NUP188: variants seen among roughly 807,000 people sequenced by gnomAD.
NUP188 encodes the protein nucleoporin NUP188.
A neutral mutation model predicts 223.0 loss-of-function variants in NUP188; 97 were observed. That is an observed-to-expected ratio of 0.43 (90% CI 0.37 to 0.51). The LOEUF is 0.51. Ranked by LOEUF, NUP188 falls within the 20% of genes least tolerant of loss-of-function variation. The pLI, the probability that NUP188 is intolerant of heterozygous loss-of-function variation, is 0.00. For synonymous variants in NUP188, 869 were observed against 828.0 expected (o/e 1.05, Z -0.85); for missense variants, 1,947 against 2,175.6 (o/e 0.89, Z 2.09).
At chr9:128,983,673 T>G in intron 19 of NUP188, 123 bp downstream of exon 19, 38 of 687,390 alleles carry the variant, frequency 5.5e-5, no homozygotes, top group Non-Finnish European at 8.3e-5. Flanking sequence ...TGAGATGGAG[T>G]CTCACTCTGT....
intron 33 of NUP188, 57 bp downstream of exon 33, chr9:128,999,374 C>G: frequency 6.3e-7 from 1 of 1,590,164 alleles, no homozygotes; most frequent in Non-Finnish European, 8.6e-7. Context: ...CTGCTGACAG[C>G]CAGGCAGGGC....
chr9:129,003,918 A>G, intron 38 of NUP188: 1 of 286,162 alleles, frequency 3.5e-6, no homozygotes, highest in Non-Finnish European at 6.6e-6. Context: ...GGTTGCAGTG[A>G]GCTAGGATCG....
At position 128,980,725 on chromosome 9, in the gene NUP188, G is replaced by C; in HGVS notation, c.1389G>C (p.Lys463Asn). 6.2e-7 allele frequency: 1 copy of C among 1,613,716 alleles called. No homozygotes were observed. Among genetic ancestry groups the C allele is most frequent in the Non-Finnish European group, 8.5e-7 (1 of 1,179,900 alleles). ...ALVSGKSTAK[K>N]VYSFLDKMSF... ...TATCAGGGAAGTCCACAGCCAAAAA[G>C]GTAAGTTGCTTAGTCAGATAAGTAA... Residue 463 changes from lysine to asparagine, a missense_variant and splice_region_variant, in exon 14 of 44, where the codon AAG (lysine) becomes AAC (asparagine). By Grantham distance (94) the Lys-to-Asn change is moderately conservative (BLOSUM62 0). This residue lies in a region of NUP188 where 817 missense variants were observed against 865.8 expected (regional missense o/e 0.94). Transcript: ENST00000372577.
intron 25 of NUP188, 25 bp downstream of exon 25, chr9:128,990,251 C>T (rs758552991): frequency 1.3e-6 from 2 of 1,553,752 alleles, no homozygotes. Context: ...CATGCACACA[C>T]ACTGTTTATA....
chr9:128,987,424 TC>T (rs1472226951), intron 22 of NUP188, among the ~76,000 whole-genome samples, 164 bp from the exon 23 acceptor site: 1 of 152,176 alleles, frequency 6.6e-6, no homozygotes, highest in Non-Finnish European at 1.5e-5. Context: ...CTTTAGGTGA[TC>T]AAGTCTGTTT....
chr9:128,993,361 G>A lies in NUP188; in HGVS notation c.2805G>A (p.Leu935=). 1.2e-6 allele frequency: 2 copies of A among 1,614,172 alleles called. No homozygotes were observed. The highest frequency in any genetic ancestry group is 1.7e-6 in the Non-Finnish European group (2 of 1,180,030). ...AVETQPGLIE[L]FLNLEVKDGS... ...AGACCCAGCCAGGCCTCATCGAACT[G>A]TTTCTGAACCTGGAAGTTAAGGATG... Residue 935 remains leucine, a synonymous_variant, in exon 26 of 44, where the codon CTG becomes CTA. Coordinates refer to ENST00000372577, the MANE Select transcript of NUP188 (RefSeq NM_015354.3).
At chr9:128,985,539 T>A (rs1014003175) in intron 20 of NUP188, among the ~76,000 whole-genome samples, 6 of 152,190 alleles carry the variant, frequency 3.9e-5, no homozygotes, top group Admixed American at 2.6e-4. Flanking sequence ...AATAATGACA[T>A]AGAGCATAAA....
At chr9:128,999,120 T>G (rs1278630772) in intron 32 of NUP188, 52 bp from the exon 33 acceptor site, 1 of 1,551,706 alleles carries the variant, frequency 6.4e-7, no homozygotes. Context: ...CCCAAAGTGC[T>G]AGGATTACAG....
intron 2 of NUP188, 138 bp from the exon 3 acceptor site, chr9:128,952,635 A>G (rs1588267386): frequency 1.7e-6 from 1 of 579,886 alleles, no homozygotes; most frequent in Non-Finnish European, 3.1e-6. Flanking sequence ...AGGCTCGAGA[A>G]TCACTTGAAC....
At chr9:128,989,600 G>A (rs1337945629) in intron 24 of NUP188, among the ~76,000 whole-genome samples, 2 of 152,106 alleles carry the variant, frequency 1.3e-5, no homozygotes, top group Admixed American at 6.6e-5. Context: ...TTGGGAGGCC[G>A]AGGTGGGTGG....
In NUP188 at chr9:128,947,712, G is replaced by C; in HGVS notation, c.-8G>C. ...GGGGGCGGGGTTAGGGCGAGCGGGC[G>C]CGCGAAGATGGCGGCGGCCGCCGGC... On this transcript the variant is annotated 5_prime_UTR_variant, in exon 1 of 44. Transcript: ENST00000372577. 6.8e-7 allele frequency: 1 copy of C among 1,470,538 alleles called. No individual in the cohort carries two copies. Among genetic ancestry groups the C allele is most frequent in the Non-Finnish European group, 9.0e-7 (1 of 1,113,612 alleles). The allele number at this position is 1,470,538 out of a possible 1,614,324, so 91.1% of individuals were successfully genotyped here. A position where few individuals can be genotyped will look rare whatever the true frequency, so the allele number is the denominator to read the frequency against.
rs757438261 is a variant in NUP188 at position 128,987,691 on chromosome 9, C to T, written c.2367C>T (p.Asp789=). ...NIMGIGVDTI[D]MVMAAQPRSD... ...TGGGCATTGGCGTGGACACCATTGA[C>T]ATGGTGATGGCTGCTCAGCCTCGAA... The change falls in exon 23 of 44, where the codon GAC becomes GAT. Residue 789 remains aspartate, a synonymous_variant. Transcript: ENST00000372577. The T allele has an allele frequency of 7.7e-5, 125 of 1,613,892 alleles. No homozygotes were observed. Among genetic ancestry groups the T allele is most frequent in the Non-Finnish European group, 1.0e-4 (120 of 1,179,916 alleles).
chr9:128,974,232 C>T (rs1842139877), intron 12 of NUP188, among the ~76,000 whole-genome samples: 1 of 151,448 alleles, frequency 6.6e-6, no homozygotes, highest in African/African-American at 2.4e-5. Context: ...TTTAAGAAAC[C>T]AGGTCTCAGT....
chr9:128,958,825 A>G lies in NUP188; in HGVS notation c.396A>G (p.Glu132=). The change falls in exon 7 of 44, where the codon GAA becomes GAG. Residue 132 remains glutamate (E), a synonymous_variant. Transcript: ENST00000372577. ...ILKIADYYYE[E]RTCILRCVLH... is the part of the protein sequence containing the mutation. ...AGATTGCAGATTATTATTATGAAGA[A>G]AGAACCTGTATTCTTCGTTGTGTCT... The G allele has an allele frequency of 4.4e-6, 7 of 1,590,332 alleles. No individual in the cohort carries two copies. Among genetic ancestry groups the G allele is most frequent in the Non-Finnish European group, 6.0e-6 (7 of 1,165,242 alleles).
chr9:128,999,420 C>A, intron 33 of NUP188, 103 bp downstream of exon 33: 1 of 1,460,248 alleles, frequency 6.8e-7, no homozygotes, highest in Non-Finnish European at 9.3e-7. Flanking sequence ...TCTTCTGGGA[C>A]TTTTGAGTTT....
At position 128,947,765 on chromosome 9, in the gene NUP188, C is replaced by T. The variant is rs756234722; in HGVS notation, c.32+14C>T. The T allele has an allele frequency of 2.8e-6, 4 of 1,433,022 alleles. No individual in the cohort carries two copies. The highest frequency in any genetic ancestry group is 3.7e-6 in the Non-Finnish European group (4 of 1,094,858). 88.8% of individuals were successfully genotyped at this position (1,433,022 alleles called of 1,614,324 possible). On this transcript the variant is annotated intron_variant, in intron 1 of 43. Transcript: ENST00000372577. ...GCCGTGTGTGAGGTGCGGAGCGGGT[C>T]GAATGGACCGGGGTGGCTGTGAAGC...
intron 26 of NUP188, 56 bp downstream of exon 26, chr9:128,993,459 G>A (rs1842464782): frequency 1.2e-6 from 2 of 1,610,090 alleles, no homozygotes; most frequent in African/African-American, 2.7e-5. Context: ...GGCAGATGCT[G>A]GGCTCTGCAA....
intron 8 of NUP188, among the ~76,000 whole-genome samples, chr9:128,967,845 C>T (rs1023995029): frequency 6.6e-5 from 10 of 151,964 alleles, no homozygotes; most frequent in Non-Finnish European, 1.2e-4. Context: ...CCTGTAGTTC[C>T]AGCTACTTGG....
intron 8 of NUP188, among the ~76,000 whole-genome samples, chr9:128,967,713 C>T (rs902075336): frequency 3.3e-5 from 5 of 151,980 alleles, no homozygotes; most frequent in Non-Finnish European, 5.9e-5. Flanking sequence ...TTGCTTGAAC[C>T]TGGGAGGCGG....
Sources: gnomAD v4.1 joint callset for allele counts (sites outside exome capture counted in the v4.1 genomes callset) on GRCh38, gnomAD v4.1.1 for gene constraint, gnomAD v4.1.1 regional missense constraint, MANE v1.5 for transcripts, NCBI Gene and HGNC (gene_info 2026-07-23, HGNC 2026-07-21) for gene names.